Variants in DUSP12 observed in about 807,000 individuals in gnomAD.
DUSP12 encodes the protein dual specificity protein phosphatase 12.
In DUSP12, 25 loss-of-function variants were observed where a neutral mutation model predicts 38.9. The observed-to-expected ratio is 0.64, with a 90% CI of 0.47 to 0.90. The LOEUF (loss-of-function observed/expected upper bound fraction) is 0.90. Ranked by LOEUF, DUSP12 falls within the 40% of genes least tolerant of loss-of-function variation. DUSP12 has a pLI of 0.00. For synonymous variants in DUSP12, 153 were observed against 153.9 expected (o/e 0.99, Z 0.05); for missense variants, 403 against 427.0 (o/e 0.94, Z 0.50).
At chr1:161,752,593 CAGAA>C (rs1202760252) in intron 4 of DUSP12, 129 bp downstream of exon 4, 3 of 621,272 alleles carry the variant, frequency 4.8e-6, no homozygotes, top group Non-Finnish European at 8.5e-6. Flanking sequence ...GATCTGTTTT[CAGAA>C]AGAATATAAA....
At chr1:161,751,592 T>G (rs1465409780) in intron 1 of DUSP12, 76 bp from the exon 2 acceptor site, 1 of 1,539,462 alleles carries the variant, frequency 6.5e-7, no homozygotes, top group Non-Finnish European at 8.7e-7. Flanking sequence ...TTACTATTAA[T>G]AGGGGGCTGG....
chr1:161,752,517 G>T, intron 4 of DUSP12, 53 bp downstream of exon 4: 2 of 1,175,316 alleles, frequency 1.7e-6, no homozygotes, highest in Non-Finnish European at 2.4e-6. Flanking sequence ...TAGCTGAAAA[G>T]TACTTAATGT....
At chr1:161,755,401 A>G (rs1684093540) in intron 5 of DUSP12, among the ~76,000 whole-genome samples, 1 of 152,184 alleles carries the variant, frequency 6.6e-6, no homozygotes, top group Non-Finnish European at 1.5e-5. Context: ...ATGTATTTTA[A>G]ATATTAGTGA....
intron 3 of DUSP12, 110 bp from the exon 4 acceptor site, chr1:161,752,258 T>A: frequency 1.2e-6 from 1 of 834,914 alleles, no homozygotes; most frequent in Admixed American, 2.5e-5. Context: ...TTTTTTTTTT[T>A]TTTAATTTTT....
intron 5 of DUSP12, among the ~76,000 whole-genome samples, chr1:161,755,910 G>A (rs914086821): frequency 2.0e-5 from 3 of 152,130 alleles, no homozygotes; most frequent in Admixed American, 2.0e-4. Flanking sequence ...AGGCTGGAGT[G>A]CAGTGGTGTG....
At chr1:161,755,501 A>C (rs1324900476) in intron 5 of DUSP12, among the ~76,000 whole-genome samples, 1 of 152,210 alleles carries the variant, frequency 6.6e-6, no homozygotes, top group Non-Finnish European at 1.5e-5. Flanking sequence ...TTGACATAAT[A>C]GATACTATAA....
chr1:161,754,251 A>G (rs1405596060), intron 5 of DUSP12, among the ~76,000 whole-genome samples: 1 of 152,234 alleles, frequency 6.6e-6, no homozygotes, highest in Non-Finnish European at 1.5e-5. Flanking sequence ...CGTGTTGTGC[A>G]TGAGGAAACT....
At chr1:161,754,096 T>A (rs1684072367) in intron 5 of DUSP12, among the ~76,000 whole-genome samples, 2 of 152,236 alleles carry the variant, frequency 1.3e-5, no homozygotes, top group African/African-American at 4.8e-5. Context: ...AGGTATTCTA[T>A]AATAATCATC....
At position 161,756,887 on chromosome 1, in the gene DUSP12, G is replaced by T; in HGVS notation, c.963G>T (p.Lys321Asn). 6.2e-7 allele frequency: 1 copy of T among 1,613,526 alleles called. No individual in the cohort carries two copies. Among genetic ancestry groups the T allele is most frequent in the African/African-American group, 1.3e-5 (1 of 75,034 alleles). ...RWITPAFQIHKNRVDEMKILP... is the reference protein window; with the variant it reads ...RWITPAFQIHNNRVDEMKILP... ...TAACACCTGCTTTTCAAATACATAAGAATAGAGTGGATGAAATGAAAATAT... is the reference window on the plus strand; with the variant it reads ...TAACACCTGCTTTTCAAATACATAATAATAGAGTGGATGAAATGAAAATAT... The change falls in exon 6 of 6, where the codon AAG (lysine) becomes AAT (asparagine). Residue 321 changes from lysine (K) to asparagine (N), a missense_variant. Transcript: ENST00000367943.
At chr1:161,751,833 A>G (rs762040138) in intron 2 of DUSP12, 33 bp from the exon 3 acceptor site, 1 of 1,600,856 alleles carries the variant, frequency 6.2e-7, no homozygotes, top group Non-Finnish European at 8.5e-7. Flanking sequence ...TAATTTTAAG[A>G]AAATGAAACT....
chr1:161,752,344 A>G, intron 3 of DUSP12, 24 bp from the exon 4 acceptor site: 1 of 1,515,376 alleles, frequency 6.6e-7, no homozygotes. Flanking sequence ...TGACAAATAA[A>G]TACATTTTAA....
rs1306196918 is a variant in DUSP12 at position 161,756,851 on chromosome 1, T to C, written c.927T>C (p.Cys309=). The C allele has an allele frequency of 3.1e-6, 5 of 1,613,926 alleles. No individual in the cohort carries two copies. In the African/African-American group the frequency reaches 4.0e-5, roughly 13 times the overall value. The stretch of plus-strand genomic sequence containing the variant: ...ACTGGTATGGTGAACAGTGCTCTTG[T>C]GGTAGGTGGATAACACCTGCTTTTC... The part of the protein sequence containing the change: ...SFNWYGEQCS[C]GRWITPAFQI... Residue 309 remains cysteine, a synonymous_variant, in exon 6 of 6, where the codon TGT becomes TGC. Transcript: ENST00000367943.
Position 161,751,685 on chromosome 1 carries a change from G to A in DUSP12, c.362G>A (p.Arg121Gln), listed in dbSNP as rs1258686838. The change falls in exon 2 of 6, where the codon CGA (arginine) becomes CAA (glutamine). Residue 121 changes from arginine (R) to glutamine (Q), a missense_variant. Arg to Gln is a conservative substitution (Grantham distance 43, BLOSUM62 1). Coordinates refer to ENST00000367943, the MANE Select transcript of DUSP12 (RefSeq NM_007240.3). ...TTTTTCAGTCATGCAGGAGTCAGTC[G>A]AAGTGTGGCCATAATAACTGCTTTT... is the stretch of plus-strand genomic sequence containing the variant. ...VLVHCHAGVS[R>Q]SVAIITAFLM... 1.9e-6 allele frequency: 3 copies of A among 1,611,114 alleles called. No homozygotes were observed. The highest frequency in any genetic ancestry group is 1.3e-5 in the African/African-American group (1 of 74,542).
chr1:161,752,310 T>C, intron 3 of DUSP12, 58 bp from the exon 4 acceptor site: 2 of 1,263,410 alleles, frequency 1.6e-6, no homozygotes, highest in South Asian at 1.3e-5. Flanking sequence ...TAACTGAATT[T>C]ATCTGAAAAT....
intron 5 of DUSP12, among the ~76,000 whole-genome samples, chr1:161,753,616 T>G (rs1223066504): frequency 6.6e-6 from 1 of 152,084 alleles, no homozygotes; most frequent in African/African-American, 2.4e-5. Flanking sequence ...TCTGAGCACT[T>G]TGGGAGGCTG....
intron 5 of DUSP12, among the ~76,000 whole-genome samples, chr1:161,754,128 T>G (rs1174331128): frequency 6.6e-6 from 1 of 152,238 alleles, no homozygotes; most frequent in Admixed American, 6.5e-5. Flanking sequence ...TTTGAAAGTT[T>G]GTATGGTTTG....
intron 3 of DUSP12, 89 bp from the exon 4 acceptor site, chr1:161,752,279 C>G (rs556740107): frequency 1.1e-6 from 1 of 928,286 alleles, no homozygotes; most frequent in Non-Finnish European, 1.7e-6. Flanking sequence ...GAGGTTAGCA[C>G]TTGTTGCCTC....
Position 161,751,754 on chromosome 1 carries a change from A to C in DUSP12, c.431A>C (p.Lys144Thr). ...CTTCCCTTTGAAAAAGCCTATGAAAAGCTCCAGATTCTCAAACCAGAGGCT... is the reference window on the plus strand; with the variant it reads ...CTTCCCTTTGAAAAAGCCTATGAAACGCTCCAGATTCTCAAACCAGAGGCT... ...DQLPFEKAYE[K>T]LQILKPEAKM... Residue 144 changes from lysine (K) to threonine (T), a missense_variant, in exon 2 of 6, where the codon AAG becomes ACG. Lys to Thr is a moderately conservative substitution (Grantham distance 78). Transcript: ENST00000367943. The C allele has an allele frequency of 6.2e-7, 1 of 1,613,292 alleles. No individual in the cohort carries two copies. Among genetic ancestry groups the C allele is most frequent in the Non-Finnish European group, 8.5e-7 (1 of 1,179,754 alleles).
In DUSP12 at chr1:161,757,025, G is replaced by T; in HGVS notation, c.*78G>T. On this transcript the variant is annotated 3_prime_UTR_variant, in exon 6 of 6. Transcript: ENST00000367943. ...TGCTTCTTATCATTCATGGCAGATT[G>T]TTTGTGCTTTCAACATTTCATTTGA... 7.3e-7 allele frequency: 1 copy of T among 1,374,194 alleles called. No homozygotes were observed. Among genetic ancestry groups the T allele is most frequent in the Non-Finnish European group, 9.9e-7 (1 of 1,013,632 alleles). The allele number at this position is 1,374,194 out of a possible 1,614,324, so 85.1% of individuals were successfully genotyped here.
Sources: allele counts gnomAD v4.1 joint callset (sites outside exome capture counted in the v4.1 genomes callset), GRCh38; gene constraint gnomAD v4.1.1; transcripts MANE v1.5; gene names NCBI Gene and HGNC (gene_info 2026-07-23, HGNC 2026-07-21).